AKAP8: variants seen among roughly 807,000 people sequenced by gnomAD.
AKAP8 encodes A-kinase anchor protein 8.
A neutral mutation model predicts 67.5 loss-of-function variants in AKAP8; 24 were observed. The ratio of observed to expected loss-of-function variants is 0.36; its 90% CI spans 0.26 to 0.50. The LOEUF (loss-of-function observed/expected upper bound fraction) is 0.50. Ranked by LOEUF, AKAP8 falls within the 20% of genes least tolerant of loss-of-function variation. The probability of loss-of-function intolerance (pLI) is 0.97; values close to 1 mark genes in which losing one functional copy is unlikely to be tolerated. For synonymous variants in AKAP8, 400 were observed against 371.1 expected, an observed-to-expected ratio of 1.08 and a Z score of -0.90; for missense variants, 971 against 955.9, an observed-to-expected ratio of 1.02 and a Z score of -0.21.
intron 12 of AKAP8, among the ~76,000 whole-genome samples, chr19:15,359,719 TAAAAAC>T (rs916666933): frequency 3.3e-5 from 5 of 150,154 alleles, no homozygotes; most frequent in East Asian, 4.0e-4. Context: ...AAAATAAAAT[TAAAAAC>T]AAAAACAAAA....
At chr19:15,375,631 A>ATT (rs1227588775) in intron 2 of AKAP8, among the ~76,000 whole-genome samples, 1 of 118,244 alleles carries the variant, frequency 8.5e-6, no homozygotes. Context: ...CCAATGCAAG[A>ATT]TTTTTTTTTT....
In AKAP8 at chr19:15,373,163, A is replaced by C; in HGVS notation, c.549T>G (p.Leu183=). 1 of 1,613,512 alleles carries C rather than the reference A, an allele frequency of 6.2e-7. No individual in the cohort carries two copies. The highest frequency in any genetic ancestry group is 8.5e-7 in the Non-Finnish European group (1 of 1,179,992). The change falls in exon 5 of 14, where the codon CTT becomes CTG. Residue 183 remains leucine (L), a synonymous_variant. Coordinates refer to ENST00000269701, the MANE Select transcript of AKAP8 (RefSeq NM_005858.4). ...GGCCCCGGCCCCGCATGAAGCCATC[A>C]AGGGAGCCCCGCTCCCGGGCTGGGT... ...CRDPARERGS[L]DGFMRGRGQG...
chr19:15,372,450 AGGTCTTTTC>A, intron 5 of AKAP8, 103 bp from the exon 6 acceptor site: 2 of 1,461,984 alleles, frequency 1.4e-6, no homozygotes, highest in Admixed American at 2.3e-5. Context: ...CAGGCACAAA[AGGTCTTTTC>A]AAAAAGCAAA....
Position 15,368,935 on chromosome 19 carries a change from A to G in AKAP8, c.1073-613T>C, listed in dbSNP as rs1266631593. 11 of 985,934 alleles carry G rather than the reference A, an allele frequency of 1.1e-5. No individual in the cohort carries two copies. The South Asian group carries it at 3.8e-4, about 34-fold the overall frequency. The allele number at this position is 985,934 out of a possible 1,614,324, so 61.1% of individuals were successfully genotyped here. ...TAGAAAAAAATTTGGGAAGAGACCA[A>G]TTGGTCCTCCCGTCCGTCCCCCGGG... On this transcript the variant is annotated intron_variant, in intron 8 of 13. Coordinates refer to ENST00000269701, the MANE Select transcript of AKAP8 (RefSeq NM_005858.4).
At chr19:15,376,487 G>A (rs1362160091) in intron 2 of AKAP8, among the ~76,000 whole-genome samples, 2 of 147,832 alleles carry the variant, frequency 1.4e-5, no homozygotes, top group African/African-American at 2.6e-5. Context: ...TGTATCAAAA[G>A]AAAAAAAAAT....
At chr19:15,374,157 A>G in intron 3 of AKAP8, 92 bp from the exon 4 acceptor site, 2 of 1,434,502 alleles carry the variant, frequency 1.4e-6, no homozygotes, top group South Asian at 2.8e-5. Flanking sequence ...GCTGCCACGG[A>G]GAAGGAAAAC....
In AKAP8 at chr19:15,355,110, C is replaced by T; in HGVS notation, c.1884G>A (p.Gln628=). The change falls in exon 14 of 14, where the codon CAG becomes CAA. Residue 628 remains glutamine (Q), a synonymous_variant. Coordinates refer to ENST00000269701, the MANE Select transcript of AKAP8 (RefSeq NM_005858.4). ...DPQAEQLLEE[Q]VPCGTAHEKG... The stretch of plus-strand genomic sequence containing the variant: ...TCTCATGTGCCGTTCCACAGGGCAC[C>T]TGCTCTTCCAGCAGCTGTTCGGCTT... The T allele has an allele frequency of 6.2e-7, 1 of 1,613,816 alleles. No homozygotes were observed. The highest frequency in any genetic ancestry group is 8.5e-7 in the Non-Finnish European group (1 of 1,180,044).
At chr19:15,361,703 G>A (rs377704208) in intron 11 of AKAP8, 26 bp downstream of exon 11, 123 of 1,582,762 alleles carry the variant, frequency 7.8e-5, no homozygotes, top group Non-Finnish European at 1.0e-4. Flanking sequence ...ATCCAGGAAA[G>A]CACTCATCCT....
At chr19:15,367,532 A>C (rs570375272) in intron 9 of AKAP8, among the ~76,000 whole-genome samples, 24 of 152,284 alleles carry the variant, frequency 1.6e-4, no homozygotes, top group African/African-American at 5.3e-4. Flanking sequence ...CATCTCAGAA[A>C]CAAACAAACA....
At position 15,374,841 on chromosome 19, in the gene AKAP8, C is replaced by T. The variant is rs543857230; in HGVS notation, c.59-206G>A. Among the ~76,000 whole-genome samples the T allele has an allele frequency of 4.7e-3, 709 of 152,308 alleles. 5 individuals carry two copies. The highest frequency in any genetic ancestry group is 5.6e-3 in the Non-Finnish European group (380 of 68,032). On this transcript the variant is annotated intron_variant, in intron 2 of 13. Coordinates refer to ENST00000269701, the MANE Select transcript of AKAP8 (RefSeq NM_005858.4). ...CTGAGCACAAGCAAGCCCTCTATCC[C>T]GGGCAAGGCCAACCGTCCGTCAGGG...
chr19:15,379,259 G>A (rs939959611), intron 1 of AKAP8: 4 of 161,404 alleles, frequency 2.5e-5, no homozygotes, highest in South Asian at 1.7e-4. Context: ...CGGTCCGCCC[G>A]CGGCCCCAGA....
At chr19:15,357,052 G>A (rs1004917509) in intron 13 of AKAP8, among the ~76,000 whole-genome samples, 52 of 151,982 alleles carry the variant, frequency 3.4e-4, no homozygotes, top group Non-Finnish European at 3.2e-4. Context: ...TGCACCTCCC[G>A]GATTCAAGCA....
At chr19:15,366,030 TAA>T (rs1182056982) in intron 9 of AKAP8, among the ~76,000 whole-genome samples, 24 of 52,592 alleles carry the variant, frequency 4.6e-4, no homozygotes, top group African/African-American at 7.5e-4. Context: ...TCTCAAAGGA[TAA>T]AAAAAAAAAA....
At chr19:15,366,906 G>A (rs1024481502) in intron 9 of AKAP8, among the ~76,000 whole-genome samples, 1 of 150,110 alleles carries the variant, frequency 6.7e-6, no homozygotes, top group African/African-American at 2.5e-5. Flanking sequence ...ACTGCCCCCA[G>A]CCCGTTTCTT....
intron 9 of AKAP8, among the ~76,000 whole-genome samples, chr19:15,367,140 C>T (rs1967084071): frequency 6.6e-6 from 1 of 152,206 alleles, no homozygotes; most frequent in Non-Finnish European, 1.5e-5. Context: ...CTCCCGGCCT[C>T]AAGCGATCCG....
chr19:15,379,450 C>A, intron 1 of AKAP8: 1 of 456,350 alleles, frequency 2.2e-6, no homozygotes, highest in Non-Finnish European at 3.8e-6. Context: ...GACGCCCCCA[C>A]GAAGCCCACC....
intron 5 of AKAP8, 151 bp downstream of exon 5, chr19:15,372,699 TG>T: frequency 8.6e-7 from 1 of 1,165,104 alleles, no homozygotes; most frequent in Non-Finnish European, 1.1e-6. Context: ...ACTGTGATGG[TG>T]GGGATGGTTG....
At chr19:15,374,137 A>T in intron 3 of AKAP8, 72 bp from the exon 4 acceptor site, 1 of 1,493,744 alleles carries the variant, frequency 6.7e-7, no homozygotes. Flanking sequence ...ACAACCGGGG[A>T]GGGGCACCCG....
rs1967331885 is a variant in AKAP8, at chr19:15,379,504, C to T, written c.19+209G>A. On this transcript the variant is annotated intron_variant, in intron 1 of 13. Coordinates refer to ENST00000269701, the MANE Select transcript of AKAP8 (RefSeq NM_005858.4). ...CCGAGTCCCGCCCGCCTCCTCGGGG[C>T]CTGGCGGCCAATCCGCACGCAGAGC... is the stretch of plus-strand genomic sequence containing the variant. The T allele has an allele frequency of 5.9e-6, 3 of 505,284 alleles. No individual in the cohort carries two copies. The South Asian group carries it at 1.0e-4, about 17-fold the overall frequency. 31.3% of individuals were successfully genotyped at this position (505,284 alleles called of 1,614,324 possible).
Sources: gnomAD v4.1 joint callset for allele counts (sites outside exome capture counted in the v4.1 genomes callset) on GRCh38, gnomAD v4.1.1 for gene constraint, MANE v1.5 for transcripts, NCBI Gene and HGNC (gene_info 2026-07-23, HGNC 2026-07-21) for gene names.